The following ATE1 variants were observed in gnomAD, a reference collection of about 807,000 sequenced individuals.
The protein encoded by ATE1 is arginyl-tRNA--protein transferase 1.
In ATE1, 36 loss-of-function variants were observed where a neutral mutation model predicts 70.5. That is an observed-to-expected ratio of 0.51 (90% CI 0.39 to 0.67). The LOEUF is 0.67. ATE1 is among the 30% of genes least tolerant of loss of function. The probability of loss-of-function intolerance (pLI) is 0.00; values close to 1 mark genes in which losing one functional copy is unlikely to be tolerated. For missense variants in ATE1, 593 were observed against 629.5 expected (o/e 0.94, Z 0.62); for synonymous variants, 232 against 219.3 (o/e 1.06, Z -0.51).
chr10:121,750,955 A>C (rs956370349), intron 11 of ATE1, among the ~76,000 whole-genome samples: 5 of 152,240 alleles, frequency 3.3e-5, no homozygotes, highest in Non-Finnish European at 7.3e-5. Flanking sequence ...GATATTAACA[A>C]ATTTTTTAAT....
At chr10:121,799,085 C>T (rs1946773542) in intron 10 of ATE1, among the ~76,000 whole-genome samples, 1 of 151,972 alleles carries the variant, frequency 6.6e-6, no homozygotes. Flanking sequence ...TTCCGAAAAC[C>T]TTAAAAATCA....
chr10:121,925,003 T>C (rs991502544), intron 1 of ATE1, among the ~76,000 whole-genome samples: 19 of 152,240 alleles, frequency 1.2e-4, no homozygotes, highest in African/African-American at 4.6e-4. Flanking sequence ...TTCAGAAAAC[T>C]TAGCAAAATG....
At chr10:121,923,942 G>A (rs904780644) in intron 2 of ATE1, among the ~76,000 whole-genome samples, 2 of 152,196 alleles carry the variant, frequency 1.3e-5, no homozygotes, top group South Asian at 2.1e-4. Flanking sequence ...TAGGATAAAT[G>A]TCATAATAAC....
At chr10:121,895,495 T>C (rs936264747) in intron 7 of ATE1, among the ~76,000 whole-genome samples, 1 of 151,848 alleles carries the variant, frequency 6.6e-6, no homozygotes, top group African/African-American at 2.4e-5. Flanking sequence ...GCACCTGTAA[T>C]CCCAGCTACT....
intron 5 of ATE1, among the ~76,000 whole-genome samples, chr10:121,905,397 C>G (rs1309721157): frequency 6.6e-6 from 1 of 152,078 alleles, no homozygotes; most frequent in African/African-American, 2.4e-5. Context: ...AAATTTAAAA[C>G]TAACATGAAC....
intron 10 of ATE1, among the ~76,000 whole-genome samples, chr10:121,806,439 T>A (rs1462356130): frequency 6.6e-6 from 1 of 152,020 alleles, no homozygotes; most frequent in South Asian, 2.1e-4. Context: ...GGTGACCGAG[T>A]GAGACCCTGA....
At chr10:121,790,095 G>C in intron 11 of ATE1, 74 bp downstream of exon 11, 1 of 1,591,306 alleles carries the variant, frequency 6.3e-7, no homozygotes, top group Non-Finnish European at 8.6e-7. Context: ...ACCCTGTTAA[G>C]AGCCACAGCC....
intron 10 of ATE1, among the ~76,000 whole-genome samples, chr10:121,835,630 C>G (rs1279332588): frequency 1.3e-5 from 2 of 152,066 alleles, no homozygotes; most frequent in Non-Finnish European, 2.9e-5. Context: ...AATAGGAACA[C>G]TGATCAGATG....
chr10:121,870,899 T>A (rs1313710436), intron 7 of ATE1, among the ~76,000 whole-genome samples: 3 of 152,342 alleles, frequency 2.0e-5, no homozygotes, highest in African/African-American at 7.2e-5. Flanking sequence ...TGAGATTTAC[T>A]GTTAATAATA....
chr10:121,922,773 C>T (rs1222468613), intron 2 of ATE1, among the ~76,000 whole-genome samples: 1 of 152,160 alleles, frequency 6.6e-6, no homozygotes, highest in Non-Finnish European at 1.5e-5. Context: ...CCTGTGACAA[C>T]CACACTTGGG....
chr10:121,748,679 T>G (rs916773525), intron 11 of ATE1, among the ~76,000 whole-genome samples: 11 of 152,094 alleles, frequency 7.2e-5, no homozygotes, highest in Admixed American at 2.6e-4. Context: ...AAAACACTTT[T>G]GAGGCCTAGA....
chr10:121,872,958 T>C (rs1949913574), intron 7 of ATE1, among the ~76,000 whole-genome samples: 2 of 152,152 alleles, frequency 1.3e-5, no homozygotes, highest in African/African-American at 4.8e-5. Context: ...TAATATGTTT[T>C]ACAAAATATC....
chr10:121,810,959 C>T (rs1269035097), intron 10 of ATE1, among the ~76,000 whole-genome samples: 1 of 152,102 alleles, frequency 6.6e-6, no homozygotes, highest in Non-Finnish European at 1.5e-5. Context: ...CCTCAGCCTC[C>T]CAAAGTGGTG....
At chr10:121,793,624 T>C (rs1056502945) in intron 10 of ATE1, among the ~76,000 whole-genome samples, 3 of 152,214 alleles carry the variant, frequency 2.0e-5, no homozygotes, top group Non-Finnish European at 2.9e-5. Context: ...TTAGAGGAAT[T>C]TGCATTTTTC....
At chr10:121,916,786 G>T (rs1442681791) in intron 3 of ATE1, among the ~76,000 whole-genome samples, 1 of 151,574 alleles carries the variant, frequency 6.6e-6, no homozygotes. Context: ...AGTGAGCCAA[G>T]ATCGCGCCAC....
intron 10 of ATE1, among the ~76,000 whole-genome samples, chr10:121,824,975 T>C (rs556130231): frequency 1.3e-5 from 2 of 150,910 alleles, no homozygotes; most frequent in South Asian, 4.2e-4. Flanking sequence ...TGAATAGCTA[T>C]TTTCAAGCAT....
At chr10:121,890,680 G>A (rs1323732432) in intron 7 of ATE1, among the ~76,000 whole-genome samples, 2 of 152,008 alleles carry the variant, frequency 1.3e-5, no homozygotes, top group East Asian at 3.9e-4. Context: ...GGAAACCAAC[G>A]GCACATATTA....
chr10:121,871,236 C>A (rs893509045), intron 7 of ATE1, among the ~76,000 whole-genome samples: 2 of 152,104 alleles, frequency 1.3e-5, no homozygotes, highest in African/African-American at 4.8e-5. Context: ...GGGTGGATCA[C>A]CTGAGGGAGG....
intron 11 of ATE1, among the ~76,000 whole-genome samples, chr10:121,777,503 C>T (rs1945798158): frequency 6.6e-6 from 1 of 152,180 alleles, no homozygotes; most frequent in Non-Finnish European, 1.5e-5. Context: ...AGGAGATACA[C>T]ATGCAGTCAA....
Sources: allele counts gnomAD v4.1 joint callset (sites outside exome capture counted in the v4.1 genomes callset), GRCh38; gene constraint gnomAD v4.1.1; transcripts MANE v1.5; gene names NCBI Gene and HGNC (gene_info 2026-07-23, HGNC 2026-07-21).